Variants in DNAJC6 observed in about 807,000 individuals in gnomAD.
The protein encoded by DNAJC6 is auxilin.
Under a neutral mutation model 110.0 loss-of-function variants are expected in DNAJC6, and 34 were observed. That is an observed-to-expected ratio of 0.31 (90% confidence interval 0.24 to 0.41). The LOEUF (loss-of-function observed/expected upper bound fraction) is 0.41, where lower values mean the gene tolerates loss of function less well. Ranked by LOEUF, DNAJC6 falls within the 10% of genes least tolerant of loss-of-function variation. The pLI, the probability that DNAJC6 is intolerant of heterozygous loss-of-function variation, is 1.00. For missense variants in DNAJC6, 1,031 were observed against 1,207.8 expected (o/e 0.85, Z 2.17); for synonymous variants, 406 against 437.2 (o/e 0.93, Z 0.89).
rs1644951167 is a variant in DNAJC6 at position 65,298,808 on chromosome 1, A to T, written c.-131+33876A>T. 2.6e-5 allele frequency: 4 copies of T among 152,402 alleles called. No individual in the cohort carries two copies. The South Asian group carries it at 8.3e-4, about 32-fold the overall frequency. The allele number at this position is 152,402 out of a possible 1,614,324, so 9.4% of individuals were successfully genotyped here. On this transcript the variant is annotated intron_variant, in intron 1 of 19. Coordinates refer to the DNAJC6 transcript ENST00000263441. ...TCATCTCAAATTCTTTAATTCAATT[A>T]TAATTTCTGTAGAAATCTGCATATG...
intron 1 of DNAJC6, among the ~76,000 whole-genome samples, chr1:65,303,794 C>G (rs1022859291): frequency 6.6e-6 from 1 of 152,142 alleles, no homozygotes; most frequent in South Asian, 2.1e-4. Context: ...AGGCTGGTCT[C>G]GAACTCCCGA....
intron 1 of DNAJC6, among the ~76,000 whole-genome samples, chr1:65,343,667 C>G (rs1468326300): frequency 6.6e-6 from 1 of 151,934 alleles, no homozygotes; most frequent in Admixed American, 6.6e-5. Context: ...AGTAGTGATG[C>G]CAGCAACTTG....
At chr1:65,342,031 A>G (rs538856330) in intron 1 of DNAJC6, among the ~76,000 whole-genome samples, 1 of 152,254 alleles carries the variant, frequency 6.6e-6, no homozygotes, top group African/African-American at 2.4e-5. Context: ...ATATCCTTAG[A>G]TTAATGCAGA....
At chr1:65,303,586 T>A (rs1346813571) in intron 1 of DNAJC6, among the ~76,000 whole-genome samples, 2 of 151,210 alleles carry the variant, frequency 1.3e-5, no homozygotes, top group African/African-American at 4.9e-5. Flanking sequence ...TGAGACGGAG[T>A]CTCCCTCTGT....
intron 1 of DNAJC6, among the ~76,000 whole-genome samples, chr1:65,292,535 A>G (rs1644889486): frequency 6.6e-6 from 1 of 151,696 alleles, no homozygotes; most frequent in Non-Finnish European, 1.5e-5. Flanking sequence ...GGCTCAAGCA[A>G]TCCTCCTGCC....
Position 65,366,189 on chromosome 1 carries a change from A to G in DNAJC6, c.536A>G (p.His179Arg). 3 of 1,613,440 alleles carry G rather than the reference A, an allele frequency of 1.9e-6. No individual in the cohort carries two copies. The highest frequency in any genetic ancestry group is 2.5e-6 in the Non-Finnish European group (3 of 1,179,622). The change falls in exon 4 of 19, where the codon CAC (histidine) becomes CGC (arginine). Residue 179 changes from histidine (H) to arginine (R), a missense_variant. By Grantham distance (29) the His-to-Arg change is conservative. Coordinates refer to ENST00000371069, the MANE Select transcript of DNAJC6 (RefSeq NM_001256864.2). ...AAGTCTTATCGAACTGCCAAGTTTCACAGCCGGGTAAGGATTTTTAGCCCT... is the reference window on the plus strand; with the variant it reads ...AAGTCTTATCGAACTGCCAAGTTTCGCAGCCGGGTAAGGATTTTTAGCCCT... Reference protein sequence around the residue: ...SPKSYRTAKFHSRVSECSWPI... With the variant: ...SPKSYRTAKFRSRVSECSWPI...
chr1:65,289,283 C>T (rs920654508), intron 1 of DNAJC6, among the ~76,000 whole-genome samples: 2 of 152,142 alleles, frequency 1.3e-5, no homozygotes, highest in African/African-American at 2.4e-5. Flanking sequence ...GCAACCTCCA[C>T]TTTCCAGGTT....
intron 1 of DNAJC6, among the ~76,000 whole-genome samples, chr1:65,271,217 C>T (rs1176826408): frequency 2.6e-5 from 4 of 151,520 alleles, no homozygotes; most frequent in South Asian, 2.1e-4. Context: ...CAAATCAGGC[C>T]GATTAGCATA....
chr1:65,295,102 G>A (rs952748067), intron 1 of DNAJC6, among the ~76,000 whole-genome samples: 19 of 152,180 alleles, frequency 1.2e-4, no homozygotes, highest in African/African-American at 4.3e-4. Flanking sequence ...TGCAGGCATT[G>A]TGTTAAGTAC....
chr1:65,394,381 A>T (rs1645957676), intron 12 of DNAJC6, among the ~76,000 whole-genome samples: 1 of 152,170 alleles, frequency 6.6e-6, no homozygotes, highest in African/African-American at 2.4e-5. Context: ...AGAGTTAAAG[A>T]CCTGGATTTG....
chr1:65,276,836 CTA>C (rs1232622749), intron 1 of DNAJC6, among the ~76,000 whole-genome samples: 1 of 152,168 alleles, frequency 6.6e-6, no homozygotes, highest in African/African-American at 2.4e-5. Flanking sequence ...TTGAAACTGT[CTA>C]AAATTCTGCA....
chr1:65,302,936 T>G (rs956407909), intron 1 of DNAJC6, among the ~76,000 whole-genome samples: 2 of 152,192 alleles, frequency 1.3e-5, no homozygotes, highest in African/African-American at 4.8e-5. Flanking sequence ...TCTTGGACTT[T>G]CTGGCCCCAG....
intron 1 of DNAJC6, among the ~76,000 whole-genome samples, chr1:65,285,669 TTTTTG>T (rs1206954755): frequency 6.6e-6 from 1 of 152,012 alleles, no homozygotes; most frequent in Admixed American, 6.6e-5. Flanking sequence ...TATTTTAGGT[TTTTTG>T]TTTTGTTTTG....
chr1:65,383,970 A>G (rs900862290), intron 5 of DNAJC6: 1 of 392,424 alleles, frequency 2.5e-6, no homozygotes, highest in African/African-American at 2.1e-5. Context: ...GGCTTCTCAG[A>G]TTAGAATCAA....
At chr1:65,274,882 T>A (rs1163971347) in intron 1 of DNAJC6, among the ~76,000 whole-genome samples, 1 of 152,172 alleles carries the variant, frequency 6.6e-6, no homozygotes, top group African/African-American at 2.4e-5. Flanking sequence ...CACATTTGTT[T>A]TCATTTTACT....
chr1:65,376,318 T>C (rs935096498), intron 4 of DNAJC6, among the ~76,000 whole-genome samples: 6 of 136,154 alleles, frequency 4.4e-5, no homozygotes, highest in African/African-American at 1.5e-4. Flanking sequence ...ATTGATTTTG[T>C]ATATTGTTTC....
At chr1:65,333,665 T>C (rs780292379) in intron 1 of DNAJC6, among the ~76,000 whole-genome samples, 67 of 151,880 alleles carry the variant, frequency 4.4e-4, no homozygotes, top group Non-Finnish European at 9.0e-4. Context: ...AACAATGACT[T>C]AGGATTTTTT....
chr1:65,330,578 C>T (rs1413893452), intron 1 of DNAJC6, among the ~76,000 whole-genome samples: 3 of 152,258 alleles, frequency 2.0e-5, no homozygotes, highest in South Asian at 4.2e-4. Flanking sequence ...AAGCCATTCT[C>T]CTGCCTCAGC....
At chr1:65,386,626 C>T (rs1158767857) in intron 7 of DNAJC6, among the ~76,000 whole-genome samples, 186 bp from the exon 8 acceptor site, 1 of 152,156 alleles carries the variant, frequency 6.6e-6, no homozygotes, top group East Asian at 1.9e-4. Context: ...AGACCAGCAC[C>T]ATCCTACTGC....
Sources: gnomAD v4.1 joint callset for allele counts (sites outside exome capture counted in the v4.1 genomes callset) on GRCh38, gnomAD v4.1.1 for gene constraint, MANE v1.5 for transcripts, NCBI Gene and HGNC (gene_info 2026-07-23, HGNC 2026-07-21) for gene names.